Variants in TSLP observed in about 807,000 individuals in gnomAD.
The protein encoded by TSLP is thymic stromal lymphopoietin.
In TSLP, 12 loss-of-function variants were observed where a neutral mutation model predicts 12.4. That is an observed-to-expected ratio of 0.97 (90% CI 0.62 to 1.57). The LOEUF is 1.57. TSLP is among the 40% of genes most tolerant of loss of function. TSLP has a pLI of 0.00. For missense variants in TSLP, 222 were observed against 189.6 expected (o/e 1.17, Z -1.00); for synonymous variants, 97 against 69.5 (o/e 1.40, Z -1.97).
rs766030402 is a variant in TSLP, at chr5:111,077,901, G to A, written c.*1827G>A. The stretch of plus-strand genomic sequence containing the variant: ...TTTAGTAAGAACGTTCCCAAATGTT[G>A]TAACAATGTGGATCATACATCTCTG... On this transcript the variant is annotated 3_prime_UTR_variant, in exon 4 of 4. Coordinates refer to ENST00000344895, the MANE Select transcript of TSLP (RefSeq NM_033035.5). 2.0e-5 allele frequency: 3 copies of A among 152,510 alleles called. No homozygotes were observed. The highest frequency in any genetic ancestry group is 7.2e-5 in the African/African-American group (3 of 41,422). 9.4% of individuals were successfully genotyped at this position (152,510 alleles called of 1,614,324 possible).
upstream of TSLP, chr5:111,071,612 C>A: frequency 1.4e-6 from 2 of 1,475,262 alleles, no homozygotes; most frequent in South Asian, 1.4e-5. Flanking sequence ...ATTCAGAATT[C>A]TATAAAGGAA....
At position 111,077,270 on chromosome 5, in the gene TSLP, G is replaced by C. The variant is rs1487824600; in HGVS notation, c.*1196G>C. 1 of 152,270 alleles carries C rather than the reference G, an allele frequency of 6.6e-6. No homozygotes were observed. The highest frequency in any genetic ancestry group is 1.5e-5 in the Non-Finnish European group (1 of 68,078). 9.4% of individuals were successfully genotyped at this position (152,270 alleles called of 1,614,324 possible). On this transcript the variant is annotated 3_prime_UTR_variant, in exon 4 of 4. Transcript: ENST00000344895. ...TGAGGGTTAGTTGGGGCTAAACCAT[G>C]ACAGAAGTGGGGAAGTTCAATGTCC...
Sources: gnomAD v4.1 joint callset for allele counts on GRCh38, gnomAD v4.1.1 for gene constraint, MANE v1.5 for transcripts, NCBI Gene and HGNC (gene_info 2026-07-23, HGNC 2026-07-21) for gene names.